FSTL4: variants seen among roughly 807,000 people sequenced by gnomAD.
The protein encoded by FSTL4 is follistatin-related protein 4.
In FSTL4, 28 loss-of-function variants were observed where a neutral mutation model predicts 78.2. That is an observed-to-expected ratio of 0.36 (90% CI 0.27 to 0.49). FSTL4 has a LOEUF of 0.49. Among genes scored for constraint, FSTL4 ranks in the 20% least tolerant of loss-of-function variants. The pLI, the probability that FSTL4 is intolerant of heterozygous loss-of-function variation, is 0.98. For synonymous variants in FSTL4, 422 were observed against 440.5 expected, an observed-to-expected ratio of 0.96 and a Z score of 0.53; for missense variants, 922 against 1,084.9, an observed-to-expected ratio of 0.85 and a Z score of 2.11.
At chr5:133,443,909 C>T (rs1290543251) in intron 3 of FSTL4, among the ~76,000 whole-genome samples, 5 of 152,184 alleles carry the variant, frequency 3.3e-5, no homozygotes, top group Admixed American at 6.5e-5. Context: ...TGCTTAAGAC[C>T]GTGGTGTGCT....
At chr5:133,818,755 C>A in the FSTL4 span, among the ~76,000 whole-genome samples, 2 of 151,028 alleles carry the variant, frequency 1.3e-5, no homozygotes, top group African/African-American at 2.4e-5. Flanking sequence ...CACCCCTACA[C>A]CTTCCCCTGC....
intron 5 of FSTL4, among the ~76,000 whole-genome samples, chr5:133,314,444 C>T (rs531855332): frequency 5.1e-4 from 78 of 152,362 alleles, no homozygotes; most frequent in Non-Finnish European, 8.5e-4. Context: ...AGATTCCCAA[C>T]GTGCTTCCTG....
At chr5:133,669,786 T>C in the FSTL4 span, among the ~76,000 whole-genome samples, 1 of 152,304 alleles carries the variant, frequency 6.6e-6, no homozygotes, top group South Asian at 2.1e-4. Context: ...AAAGTGAGTT[T>C]ATTCCCAGGA....
chr5:133,269,771 C>T (rs1648011480), intron 6 of FSTL4, among the ~76,000 whole-genome samples: 2 of 152,228 alleles, frequency 1.3e-5, no homozygotes, highest in Admixed American at 1.3e-4. Context: ...CCAGTCCCAT[C>T]AGTGTGTCTC....
At chr5:133,673,078 A>C in the FSTL4 span, among the ~76,000 whole-genome samples, 1 of 152,222 alleles carries the variant, frequency 6.6e-6, no homozygotes, top group Admixed American at 6.5e-5. Flanking sequence ...ATACATAAAC[A>C]GTTACATTCT....
the FSTL4 span, among the ~76,000 whole-genome samples, chr5:133,774,258 G>A: frequency 1.1e-3 from 164 of 152,272 alleles, no homozygotes; most frequent in Middle Eastern, 3.4e-3. Context: ...ACAGAGTTGT[G>A]GTACCAGTGA....
intron 4 of FSTL4, among the ~76,000 whole-genome samples, chr5:133,359,860 G>A (rs1238297706): frequency 2.0e-5 from 3 of 152,146 alleles, no homozygotes; most frequent in Non-Finnish European, 2.9e-5. Flanking sequence ...TGTCCCTCAC[G>A]GGAGCTTTCC....
chr5:133,625,303 T>G, the FSTL4 span, among the ~76,000 whole-genome samples: 1 of 151,838 alleles, frequency 6.6e-6, no homozygotes, highest in Non-Finnish European at 1.5e-5. Flanking sequence ...CTAATAGTTA[T>G]AGGACTATTT....
Position 133,439,656 on chromosome 5 carries a change from G to A in FSTL4, c.161-38670C>T, listed in dbSNP as rs117802800. Reference sequence around the variant, plus strand: ...TGATCTCTCCCTTCGTCTAAAACAGGGCTTAGAATAAGAGGTGCTGCAAGC... The same window carrying A: ...TGATCTCTCCCTTCGTCTAAAACAGAGCTTAGAATAAGAGGTGCTGCAAGC... On this transcript the variant is annotated intron_variant, in intron 3 of 15. Transcript: ENST00000265342. Among the ~76,000 whole-genome samples, 46 of 152,262 alleles carry A rather than the reference G, an allele frequency of 3.0e-4. No homozygotes were observed. The East Asian group carries it at 6.2e-3, about 20-fold the overall frequency.
At chr5:133,688,735 C>T in the FSTL4 span, among the ~76,000 whole-genome samples, 2 of 152,184 alleles carry the variant, frequency 1.3e-5, no homozygotes, top group Non-Finnish European at 2.9e-5. Context: ...CCTCAGTAAA[C>T]ATGTGACTGA....
intron 15 of FSTL4, among the ~76,000 whole-genome samples, chr5:133,201,388 G>A (rs976391732): frequency 6.6e-6 from 1 of 152,284 alleles, no homozygotes; most frequent in African/African-American, 2.4e-5. Flanking sequence ...CTCGTTGTGG[G>A]CTCCCCACAC....
chr5:133,418,743 C>T (rs1756632091), intron 3 of FSTL4, among the ~76,000 whole-genome samples: 1 of 152,178 alleles, frequency 6.6e-6, no homozygotes, highest in Non-Finnish European at 1.5e-5. Flanking sequence ...TAAGGACACA[C>T]CTTCATTGAA....
the FSTL4 span, among the ~76,000 whole-genome samples, chr5:133,736,036 T>C: frequency 6.6e-6 from 1 of 152,156 alleles, no homozygotes; most frequent in Non-Finnish European, 1.5e-5. Context: ...ATGGATGCTA[T>C]CAGGTGACAA....
chr5:133,578,269 C>G (rs1218354209), intron 2 of FSTL4, among the ~76,000 whole-genome samples: 3 of 152,224 alleles, frequency 2.0e-5, no homozygotes, highest in Non-Finnish European at 4.4e-5. Flanking sequence ...CTTTATTATG[C>G]CCATGAGGGC....
the FSTL4 span, among the ~76,000 whole-genome samples, chr5:133,735,124 C>T: frequency 6.6e-6 from 1 of 152,130 alleles, no homozygotes; most frequent in Non-Finnish European, 1.5e-5. Flanking sequence ...TGGCAAGCCC[C>T]AGAAGCACCT....
chr5:133,318,057 A>T (rs772101909), intron 4 of FSTL4, among the ~76,000 whole-genome samples: 1 of 152,036 alleles, frequency 6.6e-6, no homozygotes, highest in African/African-American at 2.4e-5. Flanking sequence ...ATTTTCTTCC[A>T]ATTTGGGGTC....
the FSTL4 span, among the ~76,000 whole-genome samples, chr5:133,619,781 T>C: frequency 6.6e-6 from 1 of 152,232 alleles, no homozygotes; most frequent in Non-Finnish European, 1.5e-5. Flanking sequence ...TGCCTAGCCA[T>C]ATGTGACCTG....
At chr5:133,647,510 A>T in the FSTL4 span, among the ~76,000 whole-genome samples, 2 of 152,174 alleles carry the variant, frequency 1.3e-5, no homozygotes, top group Admixed American at 6.5e-5. Context: ...GCAGTCTTAT[A>T]TTGAAGTCCT....
intron 6 of FSTL4, among the ~76,000 whole-genome samples, chr5:133,258,609 T>C (rs1752439800): frequency 6.6e-6 from 1 of 152,230 alleles, no homozygotes; most frequent in African/African-American, 2.4e-5. Flanking sequence ...TCATCATCCA[T>C]GCTCTCCTCT....
Sources: allele counts gnomAD v4.1 joint callset (sites outside exome capture counted in the v4.1 genomes callset), GRCh38; gene constraint gnomAD v4.1.1; transcripts MANE v1.5; gene names NCBI Gene and HGNC (gene_info 2026-07-23, HGNC 2026-07-21).